The following GSE1 variants were observed in gnomAD, a reference collection of about 807,000 sequenced individuals.
The protein encoded by GSE1 is genetic suppressor element 1.
In GSE1, 32 loss-of-function variants were observed where a neutral mutation model predicts 112.6. The observed-to-expected ratio is 0.28, with a 90% CI of 0.21 to 0.38. GSE1 has a LOEUF of 0.38. Among genes scored for constraint, GSE1 ranks in the 10% least tolerant of loss-of-function variants. The pLI, the probability that GSE1 is intolerant of heterozygous loss-of-function variation, is 1.00. For synonymous variants in GSE1, 1,115 were observed against 735.6 expected (o/e 1.52, Z -8.35); for missense variants, 2,348 against 1,699.2 (o/e 1.38, Z -6.71).
intron 1 of GSE1, among the ~76,000 whole-genome samples, chr16:85,242,257 C>G (rs75373763): frequency 6.6e-5 from 10 of 152,234 alleles, no homozygotes; most frequent in South Asian, 6.2e-4. Context: ...CCCCAGCCCC[C>G]CTGCAAGCAG....
intron 2 of GSE1, among the ~76,000 whole-genome samples, chr16:85,390,494 G>A (rs549475874): frequency 1.3e-5 from 2 of 152,302 alleles, no homozygotes; most frequent in African/African-American, 4.8e-5. Context: ...CAATATGATG[G>A]GTTAGGGTCA....
intron 1 of GSE1, among the ~76,000 whole-genome samples, chr16:85,571,710 C>T (rs915906341): frequency 6.6e-6 from 1 of 152,184 alleles, no homozygotes; most frequent in Non-Finnish European, 1.5e-5. Flanking sequence ...AGAAACAGGT[C>T]AGAGACTGCA....
exon 1 of GSE1, chr16:85,170,144 G>C: frequency 5.1e-6 from 5 of 985,350 alleles, no homozygotes; most frequent in Non-Finnish European, 6.0e-6. Context: ...GGGCCTCGCG[G>C]GGGGCGCGGC....
chr16:85,246,414 C>G (rs1905776828), intron 1 of GSE1, among the ~76,000 whole-genome samples: 1 of 137,440 alleles, frequency 7.3e-6, no homozygotes, highest in South Asian at 2.5e-4. Context: ...TACACACACA[C>G]ACACACACCC....
intron 2 of GSE1, among the ~76,000 whole-genome samples, chr16:85,522,823 G>C (rs2052232846): frequency 1.3e-5 from 2 of 152,092 alleles, no homozygotes; most frequent in African/African-American, 4.8e-5. Context: ...ATATGTATAA[G>C]TGTCAGGAGT....
At chr16:85,336,904 G>A (rs75891708) in intron 1 of GSE1, among the ~76,000 whole-genome samples, 24,225 of 152,262 alleles carry the variant, frequency 0.16, 2,106 homozygotes, top group African/African-American at 0.22. Context: ...ACACACGTTC[G>A]TGTACACGCA....
At chr16:85,482,506 C>CA (rs1311273680) in intron 2 of GSE1, among the ~76,000 whole-genome samples, 1 of 148,748 alleles carries the variant, frequency 6.7e-6, no homozygotes, top group Non-Finnish European at 1.5e-5. Context: ...CAGTTCCCCC[C>CA]CCAAATAAAA....
At chr16:85,606,931 C>G (rs1053028953), upstream of GSE1, among the ~76,000 whole-genome samples, 2 of 152,342 alleles carry the variant, frequency 1.3e-5, no homozygotes, top group Admixed American at 6.5e-5. Context: ...CTGGCCCCGC[C>G]ATATAAAGTT....
chr16:85,177,215 A>G (rs1399875614), intron 1 of GSE1, among the ~76,000 whole-genome samples: 1 of 152,212 alleles, frequency 6.6e-6, no homozygotes, highest in Non-Finnish European at 1.5e-5. Flanking sequence ...AGGGTCGGCA[A>G]AGCTTCCTGG....
At chr16:85,458,219 C>T (rs1401127113) in intron 2 of GSE1, among the ~76,000 whole-genome samples, 2 of 152,234 alleles carry the variant, frequency 1.3e-5, no homozygotes, top group Non-Finnish European at 2.9e-5. Flanking sequence ...CCCCCTGCCT[C>T]GCTCCCGGCT....
intron 1 of GSE1, among the ~76,000 whole-genome samples, chr16:85,211,307 T>G (rs1287102055): frequency 6.6e-6 from 1 of 151,612 alleles, no homozygotes; most frequent in Admixed American, 6.6e-5. Flanking sequence ...TGGTTTTTTT[T>G]TTTTGTTTTT....
rs1467819652 is a variant in GSE1 at position 85,171,621 on chromosome 16, C to T, written c.2097C>T (p.Ser699=). The T allele has an allele frequency of 7.1e-6, 7 of 985,432 alleles. No homozygotes were observed. In the African/African-American group the frequency reaches 8.7e-5, roughly 12 times the overall value. The allele number at this position is 985,432 out of a possible 1,614,324, so 61.0% of individuals were successfully genotyped here. Residue 699 remains serine, a synonymous_variant, in exon 1 of 3, where the codon TCC becomes TCT. Coordinates refer to the GSE1 transcript ENST00000637419. ...AGAAACGGTGTCTGGGGCTGAAGTC[C>T]GTGCGGGTGGCCCGGCTGCCCCTGT...
At chr16:85,539,981 C>T (rs2044465672) in intron 2 of GSE1, among the ~76,000 whole-genome samples, 2 of 152,222 alleles carry the variant, frequency 1.3e-5, no homozygotes, top group African/African-American at 4.8e-5. Context: ...TCTCTGCAGA[C>T]AGCTGCAGGC....
At chr16:85,339,030 C>G (rs972642071) in intron 1 of GSE1, among the ~76,000 whole-genome samples, 6 of 152,000 alleles carry the variant, frequency 3.9e-5, no homozygotes, top group Non-Finnish European at 7.4e-5. Flanking sequence ...GGGCATGTTA[C>G]CACCCCCCAC....
At chr16:85,510,998 C>T (rs147288573) in intron 2 of GSE1, among the ~76,000 whole-genome samples, 151 of 152,340 alleles carry the variant, frequency 9.9e-4, no homozygotes, top group South Asian at 2.9e-3. Flanking sequence ...CACTTGCATG[C>T]GTTGCTCTTT....
chr16:85,323,975 C>T (rs1330687036), intron 1 of GSE1, among the ~76,000 whole-genome samples: 3 of 152,212 alleles, frequency 2.0e-5, no homozygotes, highest in East Asian at 1.9e-4. Context: ...CTGCACCACC[C>T]GATTCCTTTG....
chr16:85,544,562 C>T (rs537976032), intron 2 of GSE1, among the ~76,000 whole-genome samples: 11 of 152,268 alleles, frequency 7.2e-5, no homozygotes, highest in East Asian at 1.9e-4. Context: ...TCTGGTCTGT[C>T]GCACTAAAAA....
intron 2 of GSE1, among the ~76,000 whole-genome samples, chr16:85,522,036 C>T (rs907728859): frequency 3.9e-5 from 6 of 152,230 alleles, no homozygotes; most frequent in South Asian, 2.1e-4. Context: ...CTCCTAGAAA[C>T]TCCAGGAGAC....
At chr16:85,262,427 C>T (rs545235867) in intron 1 of GSE1, among the ~76,000 whole-genome samples, 22 of 152,236 alleles carry the variant, frequency 1.4e-4, no homozygotes, top group East Asian at 7.7e-4. Flanking sequence ...GTCTTTGCAC[C>T]GGGGGGCCTC....
Sources: gnomAD v4.1 joint callset for allele counts (sites outside exome capture counted in the v4.1 genomes callset) on GRCh38, gnomAD v4.1.1 for gene constraint, MANE v1.5 for transcripts, NCBI Gene and HGNC (gene_info 2026-07-23, HGNC 2026-07-21) for gene names.